CAST: variants seen among roughly 807,000 people sequenced by gnomAD.
The protein encoded by CAST is MIR583 host.
CAST carries 76 observed loss-of-function variants against 119.6 expected under a neutral mutation model. That is an observed-to-expected ratio of 0.64 (90% CI 0.53 to 0.77). The LOEUF (loss-of-function observed/expected upper bound fraction) is 0.77. Ranked by LOEUF, CAST falls within the 30% of genes least tolerant of loss-of-function variation. The pLI is 0.00. For missense variants in CAST, 953 were observed against 946.5 expected (o/e 1.01, Z -0.09); for synonymous variants, 319 against 331.6 (o/e 0.96, Z 0.41).
intron 6 of CAST, among the ~76,000 whole-genome samples, chr5:96,728,019 G>GGA (rs949345637): frequency 6.6e-6 from 1 of 152,148 alleles, no homozygotes; most frequent in Non-Finnish European, 1.5e-5. Context: ...CAGTTACACA[G>GGA]GAGGCTAGCT....
the CAST span, among the ~76,000 whole-genome samples, chr5:96,260,637 G>T: frequency 6.6e-6 from 1 of 152,170 alleles, no homozygotes; most frequent in Admixed American, 6.5e-5. Flanking sequence ...GGCCCATCAT[G>T]TTCTTGCTTT....
At chr5:96,332,549 T>C in the CAST span, among the ~76,000 whole-genome samples, 2 of 152,108 alleles carry the variant, frequency 1.3e-5, no homozygotes, top group Non-Finnish European at 2.9e-5. Flanking sequence ...GCATGCAGAA[T>C]ATTGTGCCTT....
At chr5:96,751,774 C>T (rs1765115720) in intron 20 of CAST, among the ~76,000 whole-genome samples, 1 of 152,206 alleles carries the variant, frequency 6.6e-6, no homozygotes, top group East Asian at 1.9e-4. Context: ...CCTCATCTGC[C>T]AAGTGTGACT....
At chr5:96,545,051 G>A (rs1049605481) in intron 1 of CAST, among the ~76,000 whole-genome samples, 1 of 152,138 alleles carries the variant, frequency 6.6e-6, no homozygotes, top group African/African-American at 2.4e-5. Flanking sequence ...AATTCTCCAA[G>A]AAAATACACC....
chr5:96,392,261 C>CAGA, the CAST span: 46,821 of 151,458 alleles, frequency 0.31, 7,471 homozygotes, highest in African/African-American at 0.39. Context: ...AGAAAACTTT[C>CAGA]AGAAGGAGAA....
At chr5:96,106,822 G>T in the CAST span, among the ~76,000 whole-genome samples, 1 of 145,156 alleles carries the variant, frequency 6.9e-6, no homozygotes, top group Non-Finnish European at 1.5e-5. Flanking sequence ...TGACAGTGGG[G>T]TGTTAAAGTC....
chr5:96,596,310 T>C (rs1199575528), intron 1 of CAST, among the ~76,000 whole-genome samples: 2 of 152,018 alleles, frequency 1.3e-5, no homozygotes, highest in Admixed American at 6.6e-5. Flanking sequence ...GAGCAATGTG[T>C]TTTGGAGAAG....
At chr5:96,151,080 T>C in the CAST span, among the ~76,000 whole-genome samples, 1 of 152,116 alleles carries the variant, frequency 6.6e-6, no homozygotes, top group African/African-American at 2.4e-5. Flanking sequence ...AGGGGAGGAA[T>C]CATTGGTTAA....
chr5:96,754,374 G>C (rs1765825564), intron 21 of CAST, among the ~76,000 whole-genome samples: 1 of 152,206 alleles, frequency 6.6e-6, no homozygotes. Flanking sequence ...GCACAGACCG[G>C]AGGCCTCTGA....
In CAST at chr5:96,750,567, G is replaced by T; in HGVS notation, c.1429-20G>T. On this transcript the variant is annotated intron_variant, in intron 19 of 31. Transcript: ENST00000675179. ...CCAAATATTTCTAAACTTATTGAGA[G>T]TACTTGTGTCTTTCCTCAGGAATCT... 1 of 1,529,846 alleles carries T rather than the reference G, an allele frequency of 6.5e-7. No homozygotes were observed. Among genetic ancestry groups the T allele is most frequent in the Non-Finnish European group, 9.1e-7 (1 of 1,103,642 alleles). 94.8% of individuals were successfully genotyped at this position (1,529,846 alleles called of 1,614,324 possible).
At chr5:96,630,466 A>G (rs1381033865) in intron 1 of CAST, among the ~76,000 whole-genome samples, 1 of 152,196 alleles carries the variant, frequency 6.6e-6, no homozygotes, top group Non-Finnish European at 1.5e-5. Flanking sequence ...GAAGAAAACT[A>G]ACTTCTAAAC....
At chr5:96,224,986 G>T in the CAST span, among the ~76,000 whole-genome samples, 1 of 152,188 alleles carries the variant, frequency 6.6e-6, no homozygotes, top group African/African-American at 2.4e-5. Flanking sequence ...TAGGTCATGT[G>T]CTCCACTCCC....
chr5:96,379,803 T>A, the CAST span, among the ~76,000 whole-genome samples: 3 of 152,198 alleles, frequency 2.0e-5, no homozygotes, highest in Non-Finnish European at 4.4e-5. Context: ...TCAGCCCTTT[T>A]GGCCATTTTG....
the CAST span, among the ~76,000 whole-genome samples, chr5:96,155,350 G>C: frequency 2.0e-5 from 3 of 152,124 alleles, no homozygotes; most frequent in East Asian, 5.8e-4. Flanking sequence ...GGCTTGGCCA[G>C]ACATTCCTAC....
chr5:96,546,662 A>G lies in CAST; in HGVS notation c.60+16782A>G, dbSNP rs181585859. ...TCTATTTGTCACATACACTTCAAGT[A>G]TCATTGGATCTGGTGAATCATAAGG... On this transcript the variant is annotated intron_variant, in intron 1 of 11. Transcript: ENST00000505143. 5 of 152,368 alleles carry G rather than the reference A, an allele frequency of 3.3e-5. No homozygotes were observed. In the East Asian group the frequency reaches 7.7e-4, roughly 23 times the overall value. 9.4% of individuals were successfully genotyped at this position (152,368 alleles called of 1,614,324 possible).
intron 1 of CAST, among the ~76,000 whole-genome samples, chr5:96,556,811 C>G (rs1746250377): frequency 6.6e-6 from 1 of 152,232 alleles, no homozygotes; most frequent in African/African-American, 2.4e-5. Context: ...GAAAACTTCC[C>G]CAATCTAGCA....
chr5:96,402,954 T>C, the CAST span, among the ~76,000 whole-genome samples: 1 of 152,132 alleles, frequency 6.6e-6, no homozygotes, highest in Admixed American at 6.5e-5. Flanking sequence ...CTTCCAGTCT[T>C]TTAAAAGGAG....
the CAST span, among the ~76,000 whole-genome samples, chr5:96,327,834 T>C: frequency 6.6e-6 from 1 of 152,368 alleles, no homozygotes; most frequent in South Asian, 2.1e-4. Context: ...GTATTTATAA[T>C]GAGGATAACA....
intron 1 of CAST, among the ~76,000 whole-genome samples, chr5:96,616,437 T>C (rs1055876004): frequency 2.6e-4 from 39 of 152,048 alleles, no homozygotes; most frequent in African/African-American, 8.9e-4. Context: ...CTTCTAGAAG[T>C]CAGGAATTCC....
Sources: allele counts gnomAD v4.1 joint callset (sites outside exome capture counted in the v4.1 genomes callset), GRCh38; gene constraint gnomAD v4.1.1; transcripts MANE v1.5; gene names NCBI Gene and HGNC (gene_info 2026-07-23, HGNC 2026-07-21).